Variants in GTF3C5 observed in about 807,000 individuals in gnomAD.
GTF3C5 encodes general transcription factor 3C polypeptide 5.
Under a neutral mutation model 61.0 loss-of-function variants are expected in GTF3C5, and 47 were observed. The observed-to-expected ratio is 0.77, with a 90% CI of 0.61 to 0.98. GTF3C5 has a LOEUF of 0.98. Ranked by LOEUF, GTF3C5 falls within the 50% of genes least tolerant of loss-of-function variation. The pLI is 0.00. For synonymous variants in GTF3C5, 295 were observed against 275.4 expected (o/e 1.07, Z -0.71); for missense variants, 659 against 703.3 (o/e 0.94, Z 0.71).
chr9:133,046,153 C>G (rs1850195646), intron 3 of GTF3C5, among the ~76,000 whole-genome samples: 1 of 152,076 alleles, frequency 6.6e-6, no homozygotes, highest in Admixed American at 6.5e-5. Context: ...TAGCAAGACT[C>G]TGTCTCTACA....
At chr9:133,048,322 C>G (rs1850264105) in intron 3 of GTF3C5, among the ~76,000 whole-genome samples, 1 of 152,140 alleles carries the variant, frequency 6.6e-6, no homozygotes. Context: ...CAGTGAAACC[C>G]TGTCTCTACT....
At chr9:133,043,647 C>A in intron 2 of GTF3C5, 81 bp from the exon 3 acceptor site, 2 of 1,152,072 alleles carry the variant, frequency 1.7e-6, no homozygotes, top group South Asian at 1.3e-5. Flanking sequence ...CAGCACCTCC[C>A]TAAGCAGATG....
chr9:133,048,328 C>T (rs1363204535), intron 3 of GTF3C5, among the ~76,000 whole-genome samples: 1 of 152,112 alleles, frequency 6.6e-6, no homozygotes. Context: ...AACCCTGTCT[C>T]TACTAAAAAT....
chr9:133,031,038 G>T lies in GTF3C5; in HGVS notation c.27G>T (p.Gly9=), dbSNP rs948511938. ...TGGCGGCGGAGGCGGCCGATTTGGG[G>T]CTGGGGGCCGCCGTCCCCGTGGAGC... MAAEAADL[G]LGAAVPVELR... is the part of the protein sequence containing the mutation. The change falls in exon 1 of 11, where the codon GGG becomes GGT. Residue 9 remains glycine, a synonymous_variant. Coordinates refer to ENST00000372097, the MANE Select transcript of GTF3C5 (RefSeq NM_012087.4). 13 of 1,612,048 alleles carry T rather than the reference G, an allele frequency of 8.1e-6. No individual in the cohort carries two copies. The highest frequency in any genetic ancestry group is 1.3e-5 in the African/African-American group (1 of 74,908).
At chr9:133,053,685 C>A in intron 5 of GTF3C5, 143 bp from the exon 6 acceptor site, 1 of 511,820 alleles carries the variant, frequency 2.0e-6, no homozygotes, top group Non-Finnish European at 3.5e-6. Context: ...GGTGACAGGG[C>A]CTGCATGTGG....
intron 3 of GTF3C5, among the ~76,000 whole-genome samples, chr9:133,047,265 A>C (rs1028267448): frequency 6.6e-6 from 1 of 152,176 alleles, no homozygotes; most frequent in Non-Finnish European, 1.5e-5. Flanking sequence ...GAGCCAAACA[A>C]GGGCCACACA....
intron 1 of GTF3C5, among the ~76,000 whole-genome samples, chr9:133,035,610 C>G (rs1489778383): frequency 6.6e-6 from 1 of 152,008 alleles, no homozygotes. Flanking sequence ...TCTCTTTGGC[C>G]CCTATTTTTA....
Position 133,043,804 on chromosome 9 carries a change from C to T in GTF3C5, c.450C>T (p.Leu150=), listed in dbSNP as rs573014629. The change falls in exon 3 of 11, where the codon CTC becomes CTT. Residue 150 remains leucine, a synonymous_variant. Coordinates refer to ENST00000372097, the MANE Select transcript of GTF3C5 (RefSeq NM_012087.4). The part of the protein sequence containing the change: ...GKHTSMYDKV[L]MLRPEKEAFF... ...ATACGTCAATGTATGACAAGGTGCTCATGCTCCGGCCCGAGAAGGAGGCCT... is the reference window on the plus strand; with the variant it reads ...ATACGTCAATGTATGACAAGGTGCTTATGCTCCGGCCCGAGAAGGAGGCCT... The T allele has an allele frequency of 1.9e-6, 3 of 1,614,190 alleles. No homozygotes were observed. The African/African-American group carries it at 4.0e-5, about 22-fold the overall frequency.
In GTF3C5 at chr9:133,057,911, G is replaced by A; in HGVS notation, c.1491G>A (p.Glu497=). 1 of 1,613,984 alleles carries A rather than the reference G, an allele frequency of 6.2e-7. No individual in the cohort carries two copies. The highest frequency in any genetic ancestry group is 1.7e-5 in the Admixed American group (1 of 60,030). The change falls in exon 11 of 11, where the codon GAG becomes GAA. Residue 497 remains glutamate (E), a synonymous_variant. Transcript: ENST00000372097. The stretch of plus-strand genomic sequence containing the variant: ...AGGATGAGGAGGAGGAGGAAGAGGA[G>A]GAGGAGGACTTCAAGCCATCCGACG... The part of the protein sequence containing the change: ...DEEDEEEEEE[E]EEDFKPSDGS...
At position 133,053,939 on chromosome 9, in the gene GTF3C5, C is replaced by G. The variant is rs1434279109; in HGVS notation, c.985C>G (p.His329Asp). The G allele has an allele frequency of 1.3e-6, 2 of 1,592,272 alleles. No homozygotes were observed. The highest frequency in any genetic ancestry group is 1.7e-6 in the Non-Finnish European group (2 of 1,161,712). ...LDFRIRCGMK[H>D]GYAPSDLPVK... ...TTTCCGAATCCGTTGTGGAATGAAA[C>G]ACGGTAAAAATTCCTGAAAGCTTTG... is the stretch of plus-strand genomic sequence containing the variant. Residue 329 changes from histidine (H) to aspartate (D), a missense_variant, in exon 6 of 11, where the codon CAC becomes GAC. Coordinates refer to ENST00000372097, the MANE Select transcript of GTF3C5 (RefSeq NM_012087.4).
At position 133,058,049 on chromosome 9, in the gene GTF3C5, C is replaced by T. The variant is rs1294778597; in HGVS notation, c.*69C>T. 81 of 1,594,656 alleles carry T rather than the reference C, an allele frequency of 5.1e-5. No individual in the cohort carries two copies. The highest frequency in any genetic ancestry group is 6.2e-5 in the Non-Finnish European group (73 of 1,171,970). Reference sequence around the variant, plus strand: ...CTGGCCTAATGAGGGAGCCGGGGCTCCCCATTGCCACCCACAGTGCCCGGA... The same window carrying T: ...CTGGCCTAATGAGGGAGCCGGGGCTTCCCATTGCCACCCACAGTGCCCGGA... On this transcript the variant is annotated 3_prime_UTR_variant, in exon 11 of 11. Coordinates refer to ENST00000372097, the MANE Select transcript of GTF3C5 (RefSeq NM_012087.4).
chr9:133,047,765 G>A (rs1387249246), intron 3 of GTF3C5, among the ~76,000 whole-genome samples: 3 of 152,186 alleles, frequency 2.0e-5, no homozygotes, highest in Non-Finnish European at 2.9e-5. Context: ...CAGATGATCC[G>A]CCTGCCTCAG....
Position 133,031,094 on chromosome 9 carries a change from A to G in GTF3C5, c.83A>G (p.Glu28Gly), listed in dbSNP as rs1255846148. ...LRRERRMVCVEYPGVVRDVAK... is the reference protein window; with the variant it reads ...LRRERRMVCVGYPGVVRDVAK... ...CGGGAGCGACGCATGGTGTGCGTGGAGTACCCGGGAGTGGTGCGTGATGTG... is the reference window on the plus strand; with the variant it reads ...CGGGAGCGACGCATGGTGTGCGTGGGGTACCCGGGAGTGGTGCGTGATGTG... The change falls in exon 1 of 11, where the codon GAG becomes GGG. Residue 28 changes from glutamate to glycine, a missense_variant. By Grantham distance (98) the Glu-to-Gly change is moderately conservative (BLOSUM62 -2). Coordinates refer to ENST00000372097, the MANE Select transcript of GTF3C5 (RefSeq NM_012087.4). 6.2e-7 allele frequency: 1 copy of G among 1,607,682 alleles called. No homozygotes were observed. Among genetic ancestry groups the G allele is most frequent in the Non-Finnish European group, 8.5e-7 (1 of 1,176,702 alleles).
At chr9:133,047,696 A>G (rs879903711) in intron 3 of GTF3C5, among the ~76,000 whole-genome samples, 1 of 152,122 alleles carries the variant, frequency 6.6e-6, no homozygotes, top group South Asian at 2.1e-4. Flanking sequence ...TAACTTTTGT[A>G]TTTTTAGTAA....
chr9:133,055,404 C>A (rs1829908085), intron 8 of GTF3C5: 1 of 1,286,344 alleles, frequency 7.8e-7, no homozygotes, highest in Non-Finnish European at 1.0e-6. Context: ...GAGGGACTTG[C>A]TGTCCCCCAG....
intron 1 of GTF3C5, among the ~76,000 whole-genome samples, chr9:133,035,084 T>C (rs937107928): frequency 2.0e-5 from 3 of 152,034 alleles, no homozygotes; most frequent in African/African-American, 7.2e-5. Flanking sequence ...ATTCCCCTGC[T>C]ATGTCTAGTA....
intron 8 of GTF3C5, 65 bp from the exon 9 acceptor site, chr9:133,055,947 C>T (rs1829924497): frequency 1.9e-6 from 3 of 1,607,020 alleles, no homozygotes; most frequent in Non-Finnish European, 1.7e-6. Context: ...TACATGGAGT[C>T]TGCAACACTG....
rs77746997 is a variant in GTF3C5 at position 133,049,874 on chromosome 9, G to A, written c.573-909G>A. ...CAGCCACCCCCACTCAGCCTCCCCC[G>A]TGATCAGCATCTCAGTAGAGTGGGG... is the stretch of plus-strand genomic sequence containing the variant. On this transcript the variant is annotated intron_variant, in intron 3 of 10. Transcript: ENST00000372097. Among the ~76,000 whole-genome samples, 1,497 of 152,134 alleles carry A rather than the reference G, an allele frequency of 9.8e-3. 30 individuals are homozygous for A. Among genetic ancestry groups the A allele is most frequent in the African/African-American group, 0.034 (1,405 of 41,472 alleles).
At chr9:133,053,742 C>T in intron 5 of GTF3C5, 86 bp from the exon 6 acceptor site, 1 of 789,378 alleles carries the variant, frequency 1.3e-6, no homozygotes, top group Non-Finnish European at 2.1e-6. Context: ...CTCCTGAGCT[C>T]TTCTGCTGCC....
Sources: allele counts gnomAD v4.1 joint callset (sites outside exome capture counted in the v4.1 genomes callset), GRCh38; gene constraint gnomAD v4.1.1; transcripts MANE v1.5; gene names NCBI Gene and HGNC (gene_info 2026-07-23, HGNC 2026-07-21).